PCDHGB4: variants seen among roughly 807,000 people sequenced by gnomAD.
PCDHGB4 encodes the protein protocadherin gamma subfamily B, 4.
PCDHGB4 carries 38 observed loss-of-function variants against 60.5 expected under a neutral mutation model. The ratio of observed to expected loss-of-function variants is 0.63; its 90% CI spans 0.48 to 0.82. PCDHGB4 has a LOEUF of 0.82. Among genes scored for constraint, PCDHGB4 ranks in the 40% least tolerant of loss-of-function variants. The pLI is 0.00. For synonymous variants in PCDHGB4, 456 were observed against 509.7 expected (o/e 0.89, Z 1.42); for missense variants, 1,109 against 1,209.6 (o/e 0.92, Z 1.23).
intron 1 of PCDHGB4, among the ~76,000 whole-genome samples, chr5:141,492,641 G>A (rs2099742804): frequency 6.6e-6 from 1 of 152,226 alleles, no homozygotes; most frequent in African/African-American, 2.4e-5. Flanking sequence ...ACGATCCTTG[G>A]GCCAGAGGTC....
In PCDHGB4 at chr5:141,413,412, C is replaced by T. The variant is rs747352426; in HGVS notation, c.2397+23131C>T. ...TCTCCAGAGGTAGGACGCAGCTTTT[C>T]TCTCTGAACCCGCGCAGCGGCAGCT... On this transcript the variant is annotated intron_variant, in intron 1 of 3. Transcript: ENST00000519479. 5.6e-6 allele frequency: 9 copies of T among 1,613,954 alleles called. No individual in the cohort carries two copies. The African/African-American group carries it at 1.2e-4, about 22-fold the overall frequency.
chr5:141,392,735 C>T, intron 1 of PCDHGB4: 1 of 1,428,540 alleles, frequency 7.0e-7, no homozygotes, highest in East Asian at 2.5e-5. Context: ...ATTGTCATCT[C>T]CATAGCTGCG....
In PCDHGB4 at chr5:141,486,667, G is replaced by A; in HGVS notation, c.2398-8140G>A. On this transcript the variant is annotated intron_variant, in intron 1 of 3. Coordinates refer to ENST00000519479, the MANE Select transcript of PCDHGB4 (RefSeq NM_003736.4). The surrounding 1 kb of genome is among the most constrained non-coding windows in gnomAD (Gnocchi z 5.0). ...TCTCCTACTCACTCCTGGAGCCCAG[G>A]AATCGAGATGTATCAGCTTCCTCTT... 4 of 1,613,948 alleles carry A rather than the reference G, an allele frequency of 2.5e-6. No individual in the cohort carries two copies. Among genetic ancestry groups the A allele is most frequent in the Non-Finnish European group, 3.4e-6 (4 of 1,180,014 alleles).
rs889285153 is a variant in PCDHGB4, at chr5:141,494,978, T to C, written c.2456+113T>C. ...TGCTACAGATGGCTTCTCCCTCAGT[T>C]TGAGATCCCAGGGAGGTCTTGGTGT... On this transcript the variant is annotated intron_variant, in intron 2 of 3. Transcript: ENST00000519479. 7.6e-6 allele frequency: 12 copies of C among 1,572,974 alleles called. No homozygotes were observed. In the Admixed American group the frequency reaches 1.3e-4, roughly 17 times the overall value.
intron 1 of PCDHGB4, among the ~76,000 whole-genome samples, chr5:141,482,530 CAAAA>C (rs3074545): frequency 9.1e-5 from 7 of 76,540 alleles, no homozygotes; most frequent in South Asian, 4.6e-4. Flanking sequence ...GACAGACATG[CAAAA>C]AAAAAAAAAA....
chr5:141,417,704 A>G, intron 1 of PCDHGB4: 2 of 1,207,460 alleles, frequency 1.7e-6, no homozygotes, highest in Non-Finnish European at 1.1e-6. Context: ...GCTCCCACAC[A>G]GAGGCTCCCG....
chr5:141,446,800 G>C (rs1332771959), intron 1 of PCDHGB4, among the ~76,000 whole-genome samples: 1 of 152,150 alleles, frequency 6.6e-6, no homozygotes, highest in African/African-American at 2.4e-5. Flanking sequence ...TTCTTCCATT[G>C]TGATCATCTA....
Position 141,410,369 on chromosome 5 carries a change from A to T in PCDHGB4, c.2397+20088A>T, listed in dbSNP as rs754541017. Reference sequence around the variant, plus strand: ...CCTGCGACGCTCTCTCAGCCCTGCTACTTGGGACTGCTTCCATCCTGGTCT... The same window carrying T: ...CCTGCGACGCTCTCTCAGCCCTGCTTCTTGGGACTGCTTCCATCCTGGTCT... On this transcript the variant is annotated intron_variant, in intron 1 of 3. Coordinates refer to ENST00000519479, the MANE Select transcript of PCDHGB4 (RefSeq NM_003736.4). The T allele has an allele frequency of 5.6e-6, 9 of 1,613,836 alleles. No homozygotes were observed. The African/African-American group carries it at 1.2e-4, about 22-fold the overall frequency.
chr5:141,394,561 A>ACCTGCGGAGCTACCT, intron 1 of PCDHGB4: 2 of 1,613,954 alleles, frequency 1.2e-6, no homozygotes, highest in Non-Finnish European at 1.7e-6. Context: ...CGCTCCGCAG[A>ACCTGCGGAGCTACCT]GCGTGGCTAC....
chr5:141,450,835 T>TA lies in PCDHGB4; in HGVS notation c.2398-43972_2398-43971insA, dbSNP rs1438371595. ...ATTTAATATTATTATTATTATTTTT[T>TA]TTTTTTTGAGATGGGGTCTTGCTCT... is the stretch of plus-strand genomic sequence containing the variant. On this transcript the variant is annotated intron_variant, in intron 1 of 3. Coordinates refer to ENST00000519479, the MANE Select transcript of PCDHGB4 (RefSeq NM_003736.4). 4.0e-3 allele frequency among the ~76,000 whole-genome samples: 570 copies of TA among 142,160 alleles called. 3 individuals are homozygous for TA. The highest frequency in any genetic ancestry group is 0.015 in the Middle Eastern group (4 of 270). The allele number at this position is 142,160 out of a possible 152,430, so 93.3% of individuals were successfully genotyped here.
At position 141,395,404 on chromosome 5, in the gene PCDHGB4, T is replaced by G. The variant is rs1482913976; in HGVS notation, c.2397+5123T>G. 24 of 836,172 alleles carry G rather than the reference T, an allele frequency of 2.9e-5. No homozygotes were observed. The East Asian group carries it at 6.2e-4, about 21-fold the overall frequency. 51.8% of individuals were successfully genotyped at this position (836,172 alleles called of 1,614,324 possible). A position where few individuals can be genotyped will look rare whatever the true frequency, so the allele number is the denominator to read the frequency against. ...CTATAAAATTGAACTCTAATAGTCA[T>G]AGGTTATTGTTTCATTTGCTTTTAA... On this transcript the variant is annotated intron_variant, in intron 1 of 3. Transcript: ENST00000519479.
rs761189685 is a variant in PCDHGB4 at position 141,404,203 on chromosome 5, A to G, written c.2397+13922A>G. On this transcript the variant is annotated intron_variant, in intron 1 of 3. Coordinates refer to ENST00000519479, the MANE Select transcript of PCDHGB4 (RefSeq NM_003736.4). Reference sequence around the variant, plus strand: ...TTCTTGACCGAGAAAAAGCCTCAGAATATAATATCACGGTGACTGCAACAG... The same window carrying G: ...TTCTTGACCGAGAAAAAGCCTCAGAGTATAATATCACGGTGACTGCAACAG... 11 of 1,613,806 alleles carry G rather than the reference A, an allele frequency of 6.8e-6. No individual in the cohort carries two copies. In the South Asian group the frequency reaches 1.2e-4, roughly 18 times the overall value.
chr5:141,435,804 A>AT (rs2097781092), intron 1 of PCDHGB4, among the ~76,000 whole-genome samples: 1 of 151,814 alleles, frequency 6.6e-6, no homozygotes, highest in Non-Finnish European at 1.5e-5. Flanking sequence ...CGTCCCAATT[A>AT]TTTTTTCTTT....
At position 141,512,750 on chromosome 5, in the gene PCDHGB4, G is replaced by C. The variant is rs538475261; in HGVS notation, c.*1577G>C. The C allele has an allele frequency of 2.6e-5, 4 of 152,894 alleles. No homozygotes were observed. The highest frequency in any genetic ancestry group is 4.4e-5 in the Non-Finnish European group (3 of 68,656). 9.5% of individuals were successfully genotyped at this position (152,894 alleles called of 1,614,324 possible). ...AGCGGGCGGCGGGCTCCGCGCAGCC[G>C]TCTGTCCTTGATCTGCCCGCGGCGG... On this transcript the variant is annotated 3_prime_UTR_variant, in exon 4 of 4. Coordinates refer to ENST00000519479, the MANE Select transcript of PCDHGB4 (RefSeq NM_003736.4).
rs983186726 is a variant in PCDHGB4 at position 141,389,522 on chromosome 5, G to T, written c.1638G>T (p.Leu546=). ...CAGCGCTCAGCGCGAACGTGAGCCT[G>T]CGCGTGTTAGTGGACGACCGCAACG... ...GSPALSANVS[L]RVLVDDRNDN... The change falls in exon 1 of 4, where the codon CTG becomes CTT. Residue 546 remains leucine (L), a synonymous_variant. Transcript: ENST00000519479. The T allele has an allele frequency of 5.0e-6, 8 of 1,613,060 alleles. No homozygotes were observed. The highest frequency in any genetic ancestry group is 3.3e-4 in the Middle Eastern group (2 of 6,068).
Position 141,477,934 on chromosome 5 carries a change from C to T in PCDHGB4, c.2398-16873C>T. Reference sequence around the variant, plus strand: ...CGGATGCAGGGCACAATGCCTGGCTCTCCTACAGTCTCTTGGGATCCCCTA... The same window carrying T: ...CGGATGCAGGGCACAATGCCTGGCTTTCCTACAGTCTCTTGGGATCCCCTA... On this transcript the variant is annotated intron_variant, in intron 1 of 3. Coordinates refer to ENST00000519479, the MANE Select transcript of PCDHGB4 (RefSeq NM_003736.4). This position sits in a 1 kb window ranked among gnomAD's most constrained non-coding sequence, Gnocchi z 4.9. 3.1e-6 allele frequency: 5 copies of T among 1,614,204 alleles called. No individual in the cohort carries two copies. The highest frequency in any genetic ancestry group is 4.2e-6 in the Non-Finnish European group (5 of 1,180,036).
At chr5:141,510,447 C>T (rs1270073364) in intron 3 of PCDHGB4, among the ~76,000 whole-genome samples, 1 of 152,026 alleles carries the variant, frequency 6.6e-6, no homozygotes, top group Non-Finnish European at 1.5e-5. Flanking sequence ...CTCCAGGAGC[C>T]CATGGTCTAG....
At chr5:141,483,637 G>A (rs1365525499) in intron 1 of PCDHGB4, among the ~76,000 whole-genome samples, 1 of 145,878 alleles carries the variant, frequency 6.9e-6, no homozygotes, top group South Asian at 2.1e-4. Flanking sequence ...AAGGTATAGA[G>A]GGGTGTGTGT....
intron 1 of PCDHGB4, chr5:141,423,809 GT>G (rs1484832928): frequency 7.9e-7 from 1 of 1,259,912 alleles, no homozygotes; most frequent in African/African-American, 1.6e-5. Context: ...ATACATGTGA[GT>G]TTTACTTTGC....
Sources: gnomAD v4.1 joint callset for allele counts (sites outside exome capture counted in the v4.1 genomes callset) on GRCh38, gnomAD v4.1.1 for gene constraint, Gnocchi (gnomAD v3.1) non-coding constraint, MANE v1.5 for transcripts, NCBI Gene and HGNC (gene_info 2026-07-23, HGNC 2026-07-21) for gene names.